RNGTT: variants seen among roughly 807,000 people sequenced by gnomAD.
RNGTT encodes the protein RNA guanylyltransferase and 5'-phosphatase, also known as mRNA-capping enzyme.
A neutral mutation model predicts 79.3 loss-of-function variants in RNGTT; 33 were observed. The observed-to-expected ratio is 0.42, with a 90% CI of 0.32 to 0.56. RNGTT has a LOEUF of 0.56. RNGTT is among the 20% of genes least tolerant of loss of function. RNGTT has a pLI of 0.17. For missense variants in RNGTT, 497 were observed against 739.1 expected (o/e 0.67, Z 3.80); for synonymous variants, 222 against 235.9 (o/e 0.94, Z 0.54).
At chr6:88,629,603 G>C (rs1772768846) in intron 14 of RNGTT, among the ~76,000 whole-genome samples, 1 of 151,546 alleles carries the variant, frequency 6.6e-6, no homozygotes, top group African/African-American at 2.4e-5. Flanking sequence ...TGGGAATAAA[G>C]AAAAAAAACA....
At position 88,844,384 on chromosome 6, in the gene RNGTT, C is replaced by A. The variant is rs143599467; in HGVS notation, c.1242G>T (p.Pro414=). ...TQEPFSVRNK[P]FFDICTSRKL... ...TTCTTGAAGTACAGATGTCAAAAAA[C>A]GGCTTATTTCTGACGCTAAATGGTT... is the stretch of plus-strand genomic sequence containing the variant. The change falls in exon 11 of 16, where the codon CCG becomes CCT. Residue 414 remains proline (P), a synonymous_variant. Coordinates refer to ENST00000369485, the MANE Select transcript of RNGTT (RefSeq NM_003800.5). 1.9e-6 allele frequency: 3 copies of A among 1,612,552 alleles called. No individual in the cohort carries two copies. The highest frequency in any genetic ancestry group is 2.7e-5 in the African/African-American group (2 of 74,806).
At chr6:88,748,831 A>G (rs1777749909) in intron 13 of RNGTT, among the ~76,000 whole-genome samples, 1 of 152,168 alleles carries the variant, frequency 6.6e-6, no homozygotes. Context: ...ATGATGAAAA[A>G]CAATGTAATG....
intron 6 of RNGTT, among the ~76,000 whole-genome samples, chr6:88,900,635 G>A (rs1783418765): frequency 6.6e-6 from 1 of 151,892 alleles, no homozygotes; most frequent in African/African-American, 2.4e-5. Context: ...TCAGGAGGCT[G>A]AGGCAGAAGA....
In RNGTT at chr6:88,665,072, G is replaced by A. The variant is rs146966629; in HGVS notation, c.1506+13281C>T. Among the ~76,000 whole-genome samples the A allele has an allele frequency of 3.5e-3, 530 of 152,238 alleles. 1 individual carries two copies. Among genetic ancestry groups the A allele is most frequent in the African/African-American group, 0.012 (494 of 41,532 alleles). ...AAGGGACCTGCTTAGCAAGCTGAGA[G>A]CTATCTTCCTTTACCAAGCAAGGCT... On this transcript the variant is annotated intron_variant, in intron 14 of 15. Coordinates refer to ENST00000369485, the MANE Select transcript of RNGTT (RefSeq NM_003800.5).
intron 13 of RNGTT, among the ~76,000 whole-genome samples, chr6:88,747,261 T>C (rs1291634920): frequency 6.6e-6 from 1 of 152,218 alleles, no homozygotes; most frequent in African/African-American, 2.4e-5. Context: ...GTCCTGCACA[T>C]ACATACATCA....
In RNGTT at chr6:88,963,260, G is replaced by C. The variant is rs1305716194; in HGVS notation, c.64+86C>G. 1.6e-5 allele frequency: 22 copies of C among 1,393,416 alleles called. No homozygotes were observed. The Admixed American group carries it at 2.2e-4, about 14-fold the overall frequency. The allele number at this position is 1,393,416 out of a possible 1,614,324, so 86.3% of individuals were successfully genotyped here. ...TCCTGAAATACCACTAATGGGCACA[G>C]AACCACCAAAAGCTGAGCTCCTCAG... On this transcript the variant is annotated intron_variant, in intron 1 of 15. Coordinates refer to ENST00000369485, the MANE Select transcript of RNGTT (RefSeq NM_003800.5).
At chr6:88,869,701 G>C (rs962131062) in intron 8 of RNGTT, among the ~76,000 whole-genome samples, 10 of 152,070 alleles carry the variant, frequency 6.6e-5, no homozygotes, top group African/African-American at 2.4e-4. Context: ...AGTACCAGGA[G>C]AAATCCTAGA....
At chr6:88,890,734 C>A in intron 7 of RNGTT, 138 bp from the exon 8 acceptor site, 1 of 507,516 alleles carries the variant, frequency 2.0e-6, no homozygotes, top group Non-Finnish European at 3.5e-6. Flanking sequence ...GGAATAACAT[C>A]CGCTTTCACA....
At chr6:88,795,245 A>C (rs943184199) in intron 12 of RNGTT, among the ~76,000 whole-genome samples, 4 of 152,246 alleles carry the variant, frequency 2.6e-5, no homozygotes, top group African/African-American at 9.6e-5. Flanking sequence ...TACTACCATC[A>C]GACTAACAGG....
At chr6:88,680,039 G>T (rs1170664890) in intron 13 of RNGTT, among the ~76,000 whole-genome samples, 2 of 152,082 alleles carry the variant, frequency 1.3e-5, no homozygotes, top group Non-Finnish European at 2.9e-5. Flanking sequence ...ATGAATCTGA[G>T]AATGGAACAC....
rs562000251 is a variant in RNGTT at position 88,903,643 on chromosome 6, A to T, written c.684+1072T>A. On this transcript the variant is annotated intron_variant, in intron 6 of 15. Transcript: ENST00000369485. Reference sequence around the variant, plus strand: ...AACATTGTTTTACAAACAAAAAAAAATTTTTAAGCCAAAAATAACTTACAT... The same window carrying T: ...AACATTGTTTTACAAACAAAAAAAATTTTTTAAGCCAAAAATAACTTACAT... 9.2e-5 allele frequency among the ~76,000 whole-genome samples: 14 copies of T among 152,340 alleles called. 1 individual carries two copies. Among genetic ancestry groups the T allele is most frequent in the African/African-American group, 3.1e-4 (13 of 41,586 alleles).
chr6:88,817,637 C>T (rs1432239525), intron 11 of RNGTT, among the ~76,000 whole-genome samples: 2 of 151,788 alleles, frequency 1.3e-5, no homozygotes, highest in African/African-American at 4.8e-5. Flanking sequence ...TATCATGTCT[C>T]CTCAAACTAA....
rs534412492 is a variant in RNGTT at position 88,819,389 on chromosome 6, G to T, written c.1270-17757C>A. Among the ~76,000 whole-genome samples, 4 of 152,182 alleles carry T rather than the reference G, an allele frequency of 2.6e-5. No individual in the cohort carries two copies. In the East Asian group the frequency reaches 7.7e-4, roughly 29 times the overall value. On this transcript the variant is annotated intron_variant, in intron 11 of 15. Transcript: ENST00000369485. ...CCCCAAGAAAAAAAGAATGAAAAAG[G>T]GCAAATTCTGAAAGGGGTGCTGAAA... is the stretch of plus-strand genomic sequence containing the variant.
At chr6:88,642,934 G>A (rs984044795) in intron 14 of RNGTT, among the ~76,000 whole-genome samples, 6 of 152,052 alleles carry the variant, frequency 3.9e-5, no homozygotes, top group South Asian at 2.1e-4. Context: ...TGATCTCAAC[G>A]CAAATGTCTA....
intron 13 of RNGTT, among the ~76,000 whole-genome samples, chr6:88,734,749 A>G (rs142295614): frequency 4.5e-4 from 69 of 152,304 alleles, no homozygotes; most frequent in African/African-American, 1.6e-3. Context: ...CATTCAGCAG[A>G]AAGTATACTT....
At chr6:88,934,487 C>T (rs1181771720) in intron 2 of RNGTT, among the ~76,000 whole-genome samples, 2 of 152,128 alleles carry the variant, frequency 1.3e-5, no homozygotes, top group Non-Finnish European at 2.9e-5. Context: ...TGTCTATTCA[C>T]ATCTTTGCCC....
chr6:88,816,807 G>T (rs765729409), intron 11 of RNGTT, among the ~76,000 whole-genome samples: 10 of 151,962 alleles, frequency 6.6e-5, no homozygotes, highest in Non-Finnish European at 1.3e-4. Flanking sequence ...ACTTAGAAAA[G>T]GTGACCCAGA....
intron 12 of RNGTT, among the ~76,000 whole-genome samples, chr6:88,788,999 T>C (rs1779316237): frequency 6.6e-6 from 1 of 152,232 alleles, no homozygotes; most frequent in South Asian, 2.1e-4. Context: ...AGTAGAATAT[T>C]AAATCAAAAG....
chr6:88,902,369 G>A (rs935184987), intron 6 of RNGTT, among the ~76,000 whole-genome samples: 2 of 152,080 alleles, frequency 1.3e-5, no homozygotes, highest in Admixed American at 6.5e-5. Flanking sequence ...GGAGGCTAAG[G>A]CAGGAAGATT....
Sources: gnomAD v4.1 joint callset for allele counts (sites outside exome capture counted in the v4.1 genomes callset) on GRCh38, gnomAD v4.1.1 for gene constraint, MANE v1.5 for transcripts, NCBI Gene and HGNC (gene_info 2026-07-23, HGNC 2026-07-21) for gene names.